The following GSE1 variants were observed in gnomAD, a reference collection of about 807,000 sequenced individuals.
The protein encoded by GSE1 is Gse1 coiled-coil protein, also known as genetic suppressor element 1.
A neutral mutation model predicts 112.6 loss-of-function variants in GSE1; 32 were observed. That is an observed-to-expected ratio of 0.28 (90% CI 0.21 to 0.38). GSE1 has a LOEUF of 0.38. Among genes scored for constraint, GSE1 ranks in the 10% least tolerant of loss-of-function variants. The pLI is 1.00. For missense variants in GSE1, 2,348 were observed against 1,699.2 expected, an observed-to-expected ratio of 1.38 and a Z score of -6.71; for synonymous variants, 1,115 against 735.6, an observed-to-expected ratio of 1.52 and a Z score of -8.35.
intron 1 of GSE1, among the ~76,000 whole-genome samples, chr16:85,589,935 G>C (rs752181785): frequency 6.6e-6 from 1 of 152,076 alleles, no homozygotes; most frequent in Admixed American, 6.5e-5. Flanking sequence ...GAATGTGAAC[G>C]TGTGTGACAT....
intron 2 of GSE1, among the ~76,000 whole-genome samples, chr16:85,643,492 AC>A (rs1393219207): frequency 2.0e-5 from 3 of 151,278 alleles, no homozygotes; most frequent in Non-Finnish European, 3.0e-5. Context: ...TTACTTCCTC[AC>A]CCGCGCCTCT....
At chr16:85,647,343 G>A (rs1198207339) in intron 2 of GSE1, among the ~76,000 whole-genome samples, 2 of 152,214 alleles carry the variant, frequency 1.3e-5, no homozygotes, top group East Asian at 1.9e-4. Flanking sequence ...TTTCTGAGGC[G>A]ACGGGCGAGT....
chr16:85,621,706 C>G (rs1008078498), intron 1 of GSE1, among the ~76,000 whole-genome samples: 12 of 152,218 alleles, frequency 7.9e-5, no homozygotes, highest in Non-Finnish European at 1.3e-4. Context: ...TGGGGTTTCT[C>G]CAGCCACGGC....
At chr16:85,659,932 T>TG (rs2052294269) in intron 8 of GSE1, among the ~76,000 whole-genome samples, 2 of 152,188 alleles carry the variant, frequency 1.3e-5, no homozygotes, top group Admixed American at 6.5e-5. Flanking sequence ...CAGGGGCCAC[T>TG]GGGGGGCAGT....
At chr16:85,426,252 T>TG (rs1424872791) in intron 2 of GSE1, among the ~76,000 whole-genome samples, 11 of 138,432 alleles carry the variant, frequency 7.9e-5, no homozygotes, top group African/African-American at 3.1e-4. Flanking sequence ...TGTGGATGGA[T>TG]GGATGAGTGA....
At chr16:85,329,821 C>T (rs2046301702) in intron 1 of GSE1, among the ~76,000 whole-genome samples, 1 of 136,604 alleles carries the variant, frequency 7.3e-6, no homozygotes, top group Non-Finnish European at 1.6e-5. Flanking sequence ...GGGAAGAAGG[C>T]TGGGGACGGG....
At position 85,294,886 on chromosome 16, in the gene GSE1, G is replaced by A. The variant is rs546776938; in HGVS notation, c.2284-62577G>A. ...TGTACAGTTTAGTGACATTTTGTAC[G>A]TTCACAGTATTTTGGGTTTTTTAGT... is the stretch of plus-strand genomic sequence containing the variant. On this transcript the variant is annotated intron_variant, in intron 1 of 2. Coordinates refer to the GSE1 transcript ENST00000637419. 1.1e-4 allele frequency among the ~76,000 whole-genome samples: 17 copies of A among 151,766 alleles called. No individual in the cohort carries two copies. The South Asian group carries it at 2.5e-3, about 22-fold the overall frequency.
At chr16:85,353,979 C>A (rs2046901292) in intron 1 of GSE1, among the ~76,000 whole-genome samples, 1 of 152,228 alleles carries the variant, frequency 6.6e-6, no homozygotes, top group African/African-American at 2.4e-5. Flanking sequence ...TGTGTGCGTT[C>A]CTGCCTCTGG....
chr16:85,675,812 G>A lies in GSE1; in HGVS notation c.*3273G>A, dbSNP rs1200069903. On this transcript the variant is annotated 3_prime_UTR_variant, in exon 16 of 16. Transcript: ENST00000253458. ...CTTTAAAGTGTATATTAGCCACTTA[G>A]CAATCTCTATATTCTTTCAAGTAAC... 2 of 152,234 alleles carry A rather than the reference G, an allele frequency of 1.3e-5. No homozygotes were observed. The highest frequency in any genetic ancestry group is 3.8e-4 in the East Asian group (2 of 5,204). The allele number at this position is 152,234 out of a possible 1,614,324, so 9.4% of individuals were successfully genotyped here.
chr16:85,525,072 G>C (rs538102270), intron 2 of GSE1, among the ~76,000 whole-genome samples: 2 of 152,198 alleles, frequency 1.3e-5, no homozygotes, highest in Non-Finnish European at 2.9e-5. Context: ...TCGTGGTTGC[G>C]TCACCACGTC....
chr16:85,639,067 C>A (rs1239090621), intron 2 of GSE1, among the ~76,000 whole-genome samples: 1 of 152,204 alleles, frequency 6.6e-6, no homozygotes, highest in African/African-American at 2.4e-5. Context: ...TGGGTTGCAC[C>A]CCCAGCCCCT....
intron 3 of GSE1, among the ~76,000 whole-genome samples, chr16:85,650,460 A>C (rs2051240148): frequency 6.6e-6 from 1 of 152,136 alleles, no homozygotes; most frequent in African/African-American, 2.4e-5. Flanking sequence ...GCACCCAGCC[A>C]CTGCCTTGAC....
chr16:85,566,926 G>A (rs2045774769), intron 1 of GSE1, among the ~76,000 whole-genome samples: 1 of 152,160 alleles, frequency 6.6e-6, no homozygotes, highest in Non-Finnish European at 1.5e-5. Flanking sequence ...TGGGCAGTAG[G>A]GGGCGGTCAC....
chr16:85,645,079 CCCT>C (rs1598542025), intron 2 of GSE1, among the ~76,000 whole-genome samples: 1 of 151,252 alleles, frequency 6.6e-6, no homozygotes, highest in South Asian at 2.1e-4. Flanking sequence ...CCAGCGTTTC[CCCT>C]CCTCAGGTGG....
intron 1 of GSE1, among the ~76,000 whole-genome samples, chr16:85,600,032 C>G (rs1317835667): frequency 6.6e-6 from 1 of 152,228 alleles, no homozygotes. Flanking sequence ...GAAGCCGTGC[C>G]TGGCTACCCC....
chr16:85,519,712 G>GTCA (rs200391036), intron 2 of GSE1, among the ~76,000 whole-genome samples: 2,274 of 117,060 alleles, frequency 0.019, 44 homozygotes, highest in Middle Eastern at 0.069. Context: ...CTCCATCACT[G>GTCA]TCATCATCAT....
At chr16:85,371,169 C>A (rs1056870538) in intron 2 of GSE1, among the ~76,000 whole-genome samples, 2 of 152,198 alleles carry the variant, frequency 1.3e-5, no homozygotes, top group Non-Finnish European at 2.9e-5. Flanking sequence ...GACTGATGAC[C>A]GAGGCCACCG....
intron 1 of GSE1, among the ~76,000 whole-genome samples, chr16:85,558,832 T>G (rs2045373103): frequency 6.6e-6 from 1 of 152,120 alleles, no homozygotes; most frequent in African/African-American, 2.4e-5. Flanking sequence ...GTTAACGCAT[T>G]GAGAGTGATG....
intron 1 of GSE1, among the ~76,000 whole-genome samples, chr16:85,176,698 A>G (rs1456936745): frequency 6.6e-6 from 1 of 152,212 alleles, no homozygotes; most frequent in Non-Finnish European, 1.5e-5. Flanking sequence ...CACTGTGGGG[A>G]TGCCCCGGCC....
Sources: allele counts gnomAD v4.1 joint callset (sites outside exome capture counted in the v4.1 genomes callset), GRCh38; gene constraint gnomAD v4.1.1; transcripts MANE v1.5; gene names NCBI Gene and HGNC (gene_info 2026-07-23, HGNC 2026-07-21).